DACH2: variants seen among roughly 807,000 people sequenced by gnomAD.
DACH2 encodes dachshund homolog 2.
A neutral mutation model predicts 35.8 loss-of-function variants in DACH2; 17 were observed. The ratio of observed to expected loss-of-function variants is 0.48; its 90% CI spans 0.33 to 0.71. The LOEUF is 0.71. DACH2 is among the 30% of genes least tolerant of loss of function. DACH2 has a pLI of 0.02. For synonymous variants in DACH2, 195 were observed against 177.3 expected (o/e 1.10, Z -0.79); for missense variants, 469 against 472.7 (o/e 0.99, Z 0.07).
At chrX:86,288,849 C>G (rs2034208988) in intron 1 of DACH2, among the ~76,000 whole-genome samples, 1 of 111,949 alleles carries the variant, frequency 8.9e-6, no homozygotes, top group African/African-American at 3.2e-5. Context: ...GGAATAAGTA[C>G]TCTCAAGTCT....
At chrX:86,287,511 C>T (rs192534433) in intron 1 of DACH2, among the ~76,000 whole-genome samples, 26 of 111,320 alleles carry the variant, frequency 2.3e-4, no homozygotes, top group Admixed American at 1.6e-3. Flanking sequence ...TCTTTATGGC[C>T]GGTAACTCTT....
At position 86,450,939 on chromosome X, in the gene DACH2, G is replaced by C. The variant is rs372626290; in HGVS notation, c.528-63340G>C. 2.8e-4 allele frequency among the ~76,000 whole-genome samples: 31 copies of C among 110,805 alleles called. No individual in the cohort carries two copies. The East Asian group carries it at 3.4e-3, about 12-fold the overall frequency. On this transcript the variant is annotated intron_variant, in intron 2 of 11. Coordinates refer to ENST00000373125, the MANE Select transcript of DACH2 (RefSeq NM_053281.3). ...GTTGTTTTTTTCTTGTAAATAATTT[G>C]TTTAAGTTTCTTGTAGACTCTGGAT...
In DACH2 at chrX:86,161,252, A is replaced by T. The variant is rs2030745431; in HGVS notation, c.488+12144A>T. On this transcript the variant is annotated intron_variant, in intron 1 of 11. Coordinates refer to ENST00000373125, the MANE Select transcript of DACH2 (RefSeq NM_053281.3). ...GTGTGTAAGCCAGAAGGGCATGCTC[A>T]CTGGTCTGCCCATTCTTGGAGATAC... is the stretch of plus-strand genomic sequence containing the variant. The T allele has an allele frequency of 2.5e-6, 3 of 1,192,917 alleles. No homozygotes were observed. The Admixed American group carries it at 6.5e-5, about 26-fold the overall frequency.
Position 86,695,134 on chromosome X carries a change from G to A in DACH2, c.886G>A (p.Ala296Thr), listed in dbSNP as rs1259982635. Residue 296 changes from alanine (A) to threonine (T), a missense_variant, in exon 5 of 12, where the codon GCT becomes ACT. By Grantham distance (58) the Ala-to-Thr change is moderately conservative (BLOSUM62 0). Around this residue, in one of 3 missense-constraint regions of DACH2, gnomAD observed 363 missense variants for 334.4 expected, o/e 1.09. Coordinates refer to ENST00000373125, the MANE Select transcript of DACH2 (RefSeq NM_053281.3). ...ALAGQPGIGG[A>T]PTLNPLQQNH... is the part of the protein sequence containing the mutation. Reference sequence around the variant, plus strand: ...AGCTGGCCAGCCAGGCATTGGGGGTGCTCCAACCCTCAATCCACTGCAGCA... The same window carrying A: ...AGCTGGCCAGCCAGGCATTGGGGGTACTCCAACCCTCAATCCACTGCAGCA... 8.0e-6 allele frequency: 9 copies of A among 1,123,354 alleles called. No homozygotes were observed. The highest frequency in any genetic ancestry group is 1.1e-5 in the Non-Finnish European group (9 of 851,136). The allele number at this position is 1,123,354 out of a possible 1,213,427, so 92.6% of individuals were successfully genotyped here.
chrX:86,286,042 C>A (rs1374557838), intron 1 of DACH2, among the ~76,000 whole-genome samples: 1 of 101,950 alleles, frequency 9.8e-6, no homozygotes, highest in Non-Finnish European at 2.0e-5. Context: ...CTATATGTGT[C>A]TTTATAGGTG....
intron 7 of DACH2, among the ~76,000 whole-genome samples, chrX:86,796,027 G>A (rs1381917357): frequency 8.9e-6 from 1 of 111,975 alleles, no homozygotes; most frequent in Non-Finnish European, 1.9e-5. Context: ...AGGGGGACCT[G>A]AGCGGGTTGC....
intron 3 of DACH2, among the ~76,000 whole-genome samples, chrX:86,524,722 A>G (rs1472118542): frequency 9.0e-6 from 1 of 111,084 alleles, no homozygotes; most frequent in Non-Finnish European, 1.9e-5. Context: ...TCTCCCCCCA[A>G]TTTTTTAGGC....
intron 2 of DACH2, among the ~76,000 whole-genome samples, chrX:86,476,382 G>T (rs2037844131): frequency 9.0e-6 from 1 of 111,425 alleles, no homozygotes. Flanking sequence ...TTTAATCTTG[G>T]TAGGTTGTAT....
chrX:86,228,253 A>G (rs913523162), intron 1 of DACH2, among the ~76,000 whole-genome samples: 2 of 110,742 alleles, frequency 1.8e-5, no homozygotes, highest in African/African-American at 6.6e-5. Context: ...CACTTAGAAT[A>G]ATAGTCTCTA....
At position 86,298,153 on chromosome X, in the gene DACH2, G is replaced by C. The variant is rs2034505487; in HGVS notation, c.489-78671G>C. Among the ~76,000 whole-genome samples the C allele has an allele frequency of 3.6e-5, 4 of 111,722 alleles. No homozygotes were observed. The South Asian group carries it at 1.5e-3, about 42-fold the overall frequency. ...GGTTTTGCTTTAGAGCCCTAGAAAT[G>C]TTTGAATTGTAGTAGTGTGTTGCAG... On this transcript the variant is annotated intron_variant, in intron 1 of 11. Transcript: ENST00000373125.
chrX:86,588,870 T>G (rs964625864), intron 3 of DACH2, among the ~76,000 whole-genome samples: 1 of 111,399 alleles, frequency 9.0e-6, no homozygotes, highest in Admixed American at 9.6e-5. Flanking sequence ...TCTTGCATGA[T>G]TGCCGTGGCT....
chrX:86,158,575 T>C (rs1335963175), intron 1 of DACH2, among the ~76,000 whole-genome samples: 1 of 110,127 alleles, frequency 9.1e-6, no homozygotes, highest in Non-Finnish European at 1.9e-5. Context: ...AAGGGTATTC[T>C]TTGTGGTGCC....
intron 4 of DACH2, among the ~76,000 whole-genome samples, chrX:86,662,542 G>A (rs777025655): frequency 9.0e-4 from 99 of 109,917 alleles, no homozygotes; most frequent in African/African-American, 3.2e-3. Context: ...GCAGTGAGCC[G>A]AGATCACGCC....
At chrX:86,745,036 A>G (rs1369233693) in intron 7 of DACH2, among the ~76,000 whole-genome samples, 2 of 110,621 alleles carry the variant, frequency 1.8e-5, no homozygotes, top group African/African-American at 6.6e-5. Flanking sequence ...AATGTTTTCA[A>G]TGGAAAACTC....
chrX:86,152,904 A>G (rs1360474613), intron 1 of DACH2, among the ~76,000 whole-genome samples: 1 of 111,880 alleles, frequency 8.9e-6, no homozygotes, highest in Non-Finnish European at 1.9e-5. Flanking sequence ...TAGAAAGTAA[A>G]TGTTGACAAT....
chrX:86,297,661 G>T (rs2034494379), intron 1 of DACH2, among the ~76,000 whole-genome samples: 1 of 112,039 alleles, frequency 8.9e-6, no homozygotes, highest in South Asian at 3.7e-4. Flanking sequence ...ACGCTCAATG[G>T]TCACACCATA....
chrX:86,507,301 A>G (rs2038337177), intron 2 of DACH2, among the ~76,000 whole-genome samples: 1 of 111,302 alleles, frequency 9.0e-6, no homozygotes, highest in Admixed American at 9.6e-5. Flanking sequence ...GACTGACAAT[A>G]TTACAGGCTG....
chrX:86,205,507 T>TCCTA, intron 1 of DACH2, among the ~76,000 whole-genome samples: 1 of 74,788 alleles, frequency 1.3e-5, no homozygotes, highest in Non-Finnish European at 2.5e-5. Flanking sequence ...CTTCCTTCCT[T>TCCTA]CCTTCCTTCC....
chrX:86,469,013 CTT>C (rs1248602946), intron 2 of DACH2, among the ~76,000 whole-genome samples: 5 of 111,533 alleles, frequency 4.5e-5, no homozygotes, highest in Non-Finnish European at 7.5e-5. Flanking sequence ...ATGTAATACT[CTT>C]TGACCATAAA....
Sources: allele counts gnomAD v4.1 joint callset (sites outside exome capture counted in the v4.1 genomes callset), GRCh38; gene constraint gnomAD v4.1.1; regional missense constraint gnomAD v4.1.1; transcripts MANE v1.5; gene names NCBI Gene and HGNC (gene_info 2026-07-23, HGNC 2026-07-21).